Variants in EZH2 observed in about 807,000 individuals in gnomAD.
EZH2 encodes the protein histone-lysine N-methyltransferase EZH2.
EZH2 carries 18 observed loss-of-function variants against 98.4 expected under a neutral mutation model. The ratio of observed to expected loss-of-function variants is 0.18; its 90% CI spans 0.13 to 0.27. EZH2 has a LOEUF of 0.27. Ranked by LOEUF, EZH2 falls within the 10% of genes least tolerant of loss-of-function variation. EZH2 has a pLI of 1.00. For missense variants in EZH2, 470 were observed against 935.1 expected, an observed-to-expected ratio of 0.50 and a Z score of 6.49; for synonymous variants, 338 against 312.3, an observed-to-expected ratio of 1.08 and a Z score of -0.87.
At chr7:148,809,448 GTTA>G (rs1192392302) in intron 17 of EZH2, 58 bp from the exon 18 acceptor site, 2 of 1,390,680 alleles carry the variant, frequency 1.4e-6, no homozygotes, top group Non-Finnish European at 2.0e-6. Flanking sequence ...AGTAAACCAA[GTTA>G]TTATGATTTT....
intron 1 of EZH2, among the ~76,000 whole-genome samples, chr7:148,880,304 A>C (rs1820776331): frequency 6.6e-6 from 1 of 152,208 alleles, no homozygotes; most frequent in Admixed American, 6.5e-5. Flanking sequence ...TAAATGATCC[A>C]ATTACACTGT....
chr7:148,851,823 T>C (rs1047986010), intron 1 of EZH2, among the ~76,000 whole-genome samples: 4 of 152,068 alleles, frequency 2.6e-5, no homozygotes, highest in African/African-American at 9.7e-5. Context: ...GTGAACTGTC[T>C]TCACACCACT....
At chr7:148,830,539 G>T (rs1469679767) in intron 4 of EZH2, among the ~76,000 whole-genome samples, 1 of 151,906 alleles carries the variant, frequency 6.6e-6, no homozygotes, top group Non-Finnish European at 1.5e-5. Flanking sequence ...AAAATTCTAG[G>T]GATACAGAGT....
chr7:148,877,404 T>C (rs1305384540), intron 1 of EZH2, among the ~76,000 whole-genome samples: 1 of 152,188 alleles, frequency 6.6e-6, no homozygotes, highest in Non-Finnish European at 1.5e-5. Flanking sequence ...AGTGTTTGGT[T>C]CCATTAATGA....
At chr7:148,856,751 G>A (rs1371672061) in intron 1 of EZH2, among the ~76,000 whole-genome samples, 1 of 152,122 alleles carries the variant, frequency 6.6e-6, no homozygotes, top group Non-Finnish European at 1.5e-5. Flanking sequence ...GAGCAGCAGA[G>A]TAAATCATAA....
chr7:148,862,817 CTTT>C, intron 1 of EZH2, among the ~76,000 whole-genome samples: 2 of 152,158 alleles, frequency 1.3e-5, no homozygotes, highest in East Asian at 3.9e-4. Context: ...ACAAAACTGG[CTTT>C]TTTAACTGCA....
At chr7:148,846,055 G>C (rs568691103) in intron 3 of EZH2, among the ~76,000 whole-genome samples, 1 of 152,250 alleles carries the variant, frequency 6.6e-6, no homozygotes, top group East Asian at 1.9e-4. Context: ...CTTAGCCTTT[G>C]AACAAAATAT....
At chr7:148,843,212 A>C (rs1024629150) in intron 3 of EZH2, among the ~76,000 whole-genome samples, 1 of 151,070 alleles carries the variant, frequency 6.6e-6, no homozygotes, top group African/African-American at 2.4e-5. Flanking sequence ...CCGTCTCAAA[A>C]AAAAAAAAAA....
chr7:148,849,191 G>A (rs1815029161), intron 1 of EZH2, among the ~76,000 whole-genome samples: 1 of 152,092 alleles, frequency 6.6e-6, no homozygotes, highest in South Asian at 2.1e-4. Context: ...GATATGGAAG[G>A]CTGACTGTTT....
chr7:148,807,740 GCCAC>G, intron 19 of EZH2, 34 bp from the exon 20 acceptor site: 3 of 1,496,298 alleles, frequency 2.0e-6, no homozygotes, highest in Non-Finnish European at 2.7e-6. Flanking sequence ...CCGCTGGATG[GCCAC>G]CCATCCAACA....
intron 1 of EZH2, chr7:148,883,588 C>T (rs569888059): frequency 6.0e-5 from 9 of 150,228 alleles, no homozygotes; most frequent in Admixed American, 6.0e-4. Context: ...CGAGCCCTGC[C>T]CACCCCGGCA....
chr7:148,840,135 A>G (rs548131488), intron 3 of EZH2, among the ~76,000 whole-genome samples: 2 of 152,300 alleles, frequency 1.3e-5, no homozygotes, highest in East Asian at 3.9e-4. Flanking sequence ...GCATTTGGTA[A>G]TATCTGCTAA....
At chr7:148,823,369 ACCT>A (rs1806730773) in intron 8 of EZH2, among the ~76,000 whole-genome samples, 1 of 152,208 alleles carries the variant, frequency 6.6e-6, no homozygotes, top group Admixed American at 6.5e-5. Flanking sequence ...AAGTTCTGGA[ACCT>A]CCTACAGCAC....
At chr7:148,863,896 GT>G (rs1236971492) in intron 1 of EZH2, among the ~76,000 whole-genome samples, 2 of 152,178 alleles carry the variant, frequency 1.3e-5, no homozygotes, top group African/African-American at 2.4e-5. Flanking sequence ...AATACAACAG[GT>G]TTTAGTGCCT....
intron 8 of EZH2, among the ~76,000 whole-genome samples, chr7:148,825,996 G>A (rs1807582666): frequency 6.6e-6 from 1 of 151,724 alleles, no homozygotes; most frequent in Non-Finnish European, 1.5e-5. Flanking sequence ...TCAAATGCAG[G>A]TATTTTTAAA....
intron 15 of EZH2, among the ~76,000 whole-genome samples, chr7:148,812,329 G>A (rs935091335): frequency 2.0e-5 from 3 of 152,182 alleles, no homozygotes; most frequent in African/African-American, 4.8e-5. Flanking sequence ...ATTTTCAGCA[G>A]AAATGCCAAG....
chr7:148,843,208 CAAA>C (rs35317881), intron 3 of EZH2, among the ~76,000 whole-genome samples: 6 of 75,976 alleles, frequency 7.9e-5, no homozygotes, highest in Non-Finnish European at 1.1e-4. Context: ...AACTCCGTCT[CAAA>C]AAAAAAAAAA....
intron 6 of EZH2, 46 bp from the exon 7 acceptor site, chr7:148,827,312 G>A (rs1489203749): frequency 7.0e-7 from 1 of 1,432,988 alleles, no homozygotes; most frequent in East Asian, 2.3e-5. Context: ...AAGTAAACAA[G>A]TTTTTGATCT....
Position 148,807,521 on chromosome 7 carries a change from T to G in EZH2, c.*125A>C. On this transcript the variant is annotated 3_prime_UTR_variant, in exon 20 of 20. Coordinates refer to ENST00000320356, the MANE Select transcript of EZH2 (RefSeq NM_004456.5). Reference sequence around the variant, plus strand: ...TTTTTAAACTCATTACTATAAATTATTCTTACAGTACTTTGCAAATTCAGA... The same window carrying G: ...TTTTTAAACTCATTACTATAAATTAGTCTTACAGTACTTTGCAAATTCAGA... 1 of 758,594 alleles carries G rather than the reference T, an allele frequency of 1.3e-6. No individual in the cohort carries two copies. The highest frequency in any genetic ancestry group is 2.7e-5 in the East Asian group (1 of 36,788). 47.0% of individuals were successfully genotyped at this position (758,594 alleles called of 1,614,324 possible). A position where few individuals can be genotyped will look rare whatever the true frequency, so the allele number is the denominator to read the frequency against.
Sources: gnomAD v4.1 joint callset for allele counts (sites outside exome capture counted in the v4.1 genomes callset) on GRCh38, gnomAD v4.1.1 for gene constraint, MANE v1.5 for transcripts, NCBI Gene and HGNC (gene_info 2026-07-23, HGNC 2026-07-21) for gene names.